ADAMTS3: variants seen among roughly 807,000 people sequenced by gnomAD.
ADAMTS3 encodes ADAM metallopeptidase with thrombospondin type 1 motif 3, also known as A disintegrin and metalloproteinase with thrombospondin motifs 3.
ADAMTS3 carries 73 observed loss-of-function variants against 129.0 expected under a neutral mutation model. The ratio of observed to expected loss-of-function variants is 0.57; its 90% CI spans 0.47 to 0.69. The LOEUF (loss-of-function observed/expected upper bound fraction) is 0.69, where lower values mean the gene tolerates loss of function less well. ADAMTS3 is among the 30% of genes least tolerant of loss of function. The pLI is 0.00. For synonymous variants in ADAMTS3, 477 were observed against 510.8 expected, an observed-to-expected ratio of 0.93 and a Z score of 0.89; for missense variants, 1,457 against 1,514.5, an observed-to-expected ratio of 0.96 and a Z score of 0.63.
At chr4:72,367,798 G>A (rs1001372499) in intron 4 of ADAMTS3, among the ~76,000 whole-genome samples, 1 of 151,056 alleles carries the variant, frequency 6.6e-6, no homozygotes, top group Non-Finnish European at 1.5e-5. Flanking sequence ...TGCAGTGGGC[G>A]GAGATGGCGC....
At chr4:72,390,117 G>A (rs1721553258) in intron 4 of ADAMTS3, among the ~76,000 whole-genome samples, 1 of 152,122 alleles carries the variant, frequency 6.6e-6, no homozygotes, top group African/African-American at 2.4e-5. Context: ...AATCTCAAGT[G>A]TACTAGAGGG....
intron 4 of ADAMTS3, among the ~76,000 whole-genome samples, chr4:72,384,469 T>C (rs555768364): frequency 6.6e-6 from 1 of 152,154 alleles, no homozygotes; most frequent in Non-Finnish European, 1.5e-5. Context: ...TATCCTTGAC[T>C]TCTCATCAAA....
chr4:72,542,172 T>C (rs1204371122), intron 3 of ADAMTS3, among the ~76,000 whole-genome samples: 2 of 83,248 alleles, frequency 2.4e-5, no homozygotes, highest in East Asian at 3.8e-4. Flanking sequence ...TTGTTTTGTT[T>C]TCTTTGTTTT....
At position 72,314,477 on chromosome 4, in the gene ADAMTS3, C is replaced by T. The variant is rs146651830; in HGVS notation, c.1600-655G>A. Among the ~76,000 whole-genome samples, 513 of 152,244 alleles carry T rather than the reference C, an allele frequency of 3.4e-3. 5 individuals are homozygous for T. The highest frequency in any genetic ancestry group is 0.012 in the African/African-American group (492 of 41,564). On this transcript the variant is annotated intron_variant, in intron 11 of 21. Transcript: ENST00000286657. ...TAATACTATAGAGGCACCTAGCTTA[C>T]AGTGCCTGGCATGGTGCTCAAGAGA...
Position 72,343,460 on chromosome 4 carries a change from C to A in ADAMTS3, c.662-3767G>T, listed in dbSNP as rs567572705. Among the ~76,000 whole-genome samples, 37 of 152,328 alleles carry A rather than the reference C, an allele frequency of 2.4e-4. No individual in the cohort carries two copies. In the East Asian group the frequency reaches 7.1e-3, roughly 29 times the overall value. ...GTTACCAAAAACTTCCCTACCCTCACTACCCACCTAGATAATTTCTTCTTT... is the reference window on the plus strand; with the variant it reads ...GTTACCAAAAACTTCCCTACCCTCAATACCCACCTAGATAATTTCTTCTTT... On this transcript the variant is annotated intron_variant, in intron 4 of 21. Coordinates refer to ENST00000286657, the MANE Select transcript of ADAMTS3 (RefSeq NM_014243.3).
At chr4:72,568,535 C>T (rs953742012) in intron 1 of ADAMTS3, among the ~76,000 whole-genome samples, 159 bp downstream of exon 1, 2 of 152,090 alleles carry the variant, frequency 1.3e-5, no homozygotes, top group Non-Finnish European at 2.9e-5. Flanking sequence ...CAAAAGCCCG[C>T]ACGCTGCGCC....
In ADAMTS3 at chr4:72,283,632, C is replaced by T. The variant is rs778535799; in HGVS notation, c.3122G>A (p.Gly1041Asp). The T allele has an allele frequency of 3.1e-6, 5 of 1,613,784 alleles. No individual in the cohort carries two copies. The Admixed American group carries it at 5.0e-5, about 16-fold the overall frequency. ...GGACTCACAACATAACTTGTTATAA[C>T]CTGGTATGGAGCAGTATCGTGCCAA... Reference protein sequence around the residue: ...EVLARYCSIPGYNKLCCESCS... With the variant: ...EVLARYCSIPDYNKLCCESCS... The change falls in exon 22 of 22, where the codon GGT becomes GAT. Residue 1041 changes from glycine (G) to aspartate (D), a missense_variant. Gly to Asp is a moderately conservative substitution (Grantham distance 94, BLOSUM62 -1). Transcript: ENST00000286657.
intron 3 of ADAMTS3, among the ~76,000 whole-genome samples, chr4:72,450,887 G>A (rs1461138470): frequency 6.6e-6 from 1 of 150,416 alleles, no homozygotes; most frequent in African/African-American, 2.4e-5. Context: ...GGAATAAATG[G>A]GAGCAATAGA....
intron 2 of ADAMTS3, among the ~76,000 whole-genome samples, chr4:72,561,670 T>C (rs1368527033): frequency 6.6e-6 from 1 of 152,224 alleles, no homozygotes; most frequent in Non-Finnish European, 1.5e-5. Flanking sequence ...TTGTTGGAAA[T>C]GTGATTTACT....
chr4:72,376,882 A>G (rs1721146698), intron 4 of ADAMTS3, among the ~76,000 whole-genome samples: 1 of 152,178 alleles, frequency 6.6e-6, no homozygotes, highest in Non-Finnish European at 1.5e-5. Flanking sequence ...TTTTCTGAAT[A>G]AAAAGACACT....
At chr4:72,567,698 G>C (rs1433528964) in intron 1 of ADAMTS3, among the ~76,000 whole-genome samples, 6 of 152,168 alleles carry the variant, frequency 3.9e-5, no homozygotes, top group Non-Finnish European at 2.9e-5. Flanking sequence ...ACTGGGTCTG[G>C]ATTAGAAAAG....
chr4:72,346,989 T>C (rs1165249699), intron 4 of ADAMTS3, among the ~76,000 whole-genome samples: 1 of 152,136 alleles, frequency 6.6e-6, no homozygotes, highest in Non-Finnish European at 1.5e-5. Flanking sequence ...ATTATGCTAA[T>C]GAAATTGTGA....
intron 4 of ADAMTS3, among the ~76,000 whole-genome samples, chr4:72,375,743 C>T (rs977671938): frequency 1.3e-5 from 2 of 152,118 alleles, no homozygotes; most frequent in African/African-American, 2.4e-5. Context: ...GGGGAGAACT[C>T]TGAAATGTAC....
At chr4:72,506,934 C>T (rs907820260) in intron 3 of ADAMTS3, among the ~76,000 whole-genome samples, 1 of 152,174 alleles carries the variant, frequency 6.6e-6, no homozygotes, top group Non-Finnish European at 1.5e-5. Context: ...CTTGCTATTT[C>T]CAAGTGCCTG....
At chr4:72,371,820 T>G (rs79909713) in intron 4 of ADAMTS3, among the ~76,000 whole-genome samples, 2,563 of 152,114 alleles carry the variant, frequency 0.017, 55 homozygotes, top group African/African-American at 0.059. Flanking sequence ...AAACTCACAT[T>G]ATTTTCATGT....
chr4:72,474,544 G>C (rs946307357), intron 3 of ADAMTS3, among the ~76,000 whole-genome samples: 2 of 151,740 alleles, frequency 1.3e-5, no homozygotes, highest in African/African-American at 4.8e-5. Flanking sequence ...AAAATAAACA[G>C]AGCCTCAGAA....
chr4:72,530,743 T>G (rs1273595847), intron 3 of ADAMTS3, among the ~76,000 whole-genome samples: 5 of 24,360 alleles, frequency 2.1e-4, no homozygotes, highest in East Asian at 3.9e-3. Flanking sequence ...ATATTATATA[T>G]ATTATATATT....
chr4:72,316,997 T>C (rs758201707), intron 10 of ADAMTS3, among the ~76,000 whole-genome samples: 87 of 152,158 alleles, frequency 5.7e-4, no homozygotes, highest in Non-Finnish European at 4.6e-4. Flanking sequence ...CACCACATTA[T>C]AATATCCAAA....
chr4:72,520,568 G>A (rs139728991), intron 3 of ADAMTS3, among the ~76,000 whole-genome samples: 5,568 of 152,224 alleles, frequency 0.037, 124 homozygotes, highest in Non-Finnish European at 0.048. Context: ...CCCCAGCCTC[G>A]CTGCCGCCTT....
Sources: allele counts gnomAD v4.1 joint callset (sites outside exome capture counted in the v4.1 genomes callset), GRCh38; gene constraint gnomAD v4.1.1; transcripts MANE v1.5; gene names NCBI Gene and HGNC (gene_info 2026-07-23, HGNC 2026-07-21).